The following PDE1C variants were observed in gnomAD, a reference collection of about 807,000 sequenced individuals.
PDE1C encodes the protein dual specificity calcium/calmodulin-dependent 3',5'-cyclic nucleotide phosphodiesterase 1C.
In PDE1C, 62 loss-of-function variants were observed where a neutral mutation model predicts 93.1. The observed-to-expected ratio is 0.67, with a 90% confidence interval of 0.54 to 0.82. The LOEUF (loss-of-function observed/expected upper bound fraction) is 0.82, where lower values mean the gene tolerates loss of function less well. Among genes scored for constraint, PDE1C ranks in the 40% least tolerant of loss-of-function variants. The pLI is 0.00. For missense variants in PDE1C, 742 were observed against 884.6 expected, an observed-to-expected ratio of 0.84 and a Z score of 2.04; for synonymous variants, 325 against 310.1, an observed-to-expected ratio of 1.05 and a Z score of -0.50.
At chr7:32,178,063 C>A (rs1008934286) in intron 2 of PDE1C, among the ~76,000 whole-genome samples, 10 of 152,168 alleles carry the variant, frequency 6.6e-5, no homozygotes. Context: ...AAGTATGGGG[C>A]AATTCCCACA....
chr7:32,374,706 T>C (rs570919378), intron 1 of PDE1C, among the ~76,000 whole-genome samples: 1 of 152,382 alleles, frequency 6.6e-6, no homozygotes, highest in Non-Finnish European at 1.5e-5. Flanking sequence ...TAACAATGGT[T>C]GTTGTTTTAA....
At chr7:32,345,559 A>T (rs1783837275) in intron 1 of PDE1C, among the ~76,000 whole-genome samples, 1 of 152,244 alleles carries the variant, frequency 6.6e-6, no homozygotes. Flanking sequence ...AAGAAAATGA[A>T]AAGAAAAGTA....
intron 3 of PDE1C, among the ~76,000 whole-genome samples, chr7:32,105,732 C>G (rs1798273858): frequency 6.7e-6 from 1 of 150,094 alleles, no homozygotes; most frequent in African/African-American, 2.5e-5. Flanking sequence ...TTGCGTGTTG[C>G]CCAGGCTAGT....
intron 17 of PDE1C, among the ~76,000 whole-genome samples, chr7:31,773,149 T>C (rs1417689652): frequency 6.6e-6 from 1 of 152,224 alleles, no homozygotes; most frequent in Admixed American, 6.5e-5. Flanking sequence ...TTACACAGAT[T>C]AATTATGTCT....
chr7:32,298,835 C>A (rs897215946), exon 1 of PDE1C: 34 of 1,434,064 alleles, frequency 2.4e-5, no homozygotes, highest in Middle Eastern at 2.5e-4. Context: ...GCGAATCCTC[C>A]CCCGGCCGCG....
intron 1 of PDE1C, among the ~76,000 whole-genome samples, chr7:32,372,627 A>G (rs1376093648): frequency 6.6e-6 from 1 of 152,240 alleles, no homozygotes; most frequent in Non-Finnish European, 1.5e-5. Context: ...AAATAGATAA[A>G]TTGGACTTCA....
intron 2 of PDE1C, among the ~76,000 whole-genome samples, chr7:31,948,228 A>C (rs1488379448): frequency 1.3e-5 from 2 of 152,198 alleles, no homozygotes; most frequent in African/African-American, 4.8e-5. Context: ...CATTACAGTG[A>C]CTCATGTGAG....
chr7:32,089,137 T>C (rs1797306396), intron 3 of PDE1C, among the ~76,000 whole-genome samples: 1 of 152,200 alleles, frequency 6.6e-6, no homozygotes, highest in African/African-American at 2.4e-5. Flanking sequence ...TCGCAAAGTC[T>C]CTTCTTTCCC....
intron 13 of PDE1C, among the ~76,000 whole-genome samples, chr7:31,824,181 A>G (rs1789359761): frequency 6.6e-6 from 1 of 151,958 alleles, no homozygotes; most frequent in African/African-American, 2.4e-5. Flanking sequence ...GAACAAGGAG[A>G]TTAGTAGTAG....
At chr7:31,624,504 A>G in the PDE1C span, among the ~76,000 whole-genome samples, 1 of 78,410 alleles carries the variant, frequency 1.3e-5, no homozygotes, top group African/African-American at 4.1e-5. Flanking sequence ...CAAACCTGAG[A>G]AAAACAAGCA....
the PDE1C span, among the ~76,000 whole-genome samples, chr7:31,660,510 C>G: frequency 4.5e-5 from 4 of 88,992 alleles, no homozygotes; most frequent in African/African-American, 1.7e-4. Flanking sequence ...TTGTGTTCCT[C>G]TCCCATTTTT....
chr7:32,214,460 T>C (rs190984102), intron 1 of PDE1C, among the ~76,000 whole-genome samples: 5 of 152,088 alleles, frequency 3.3e-5, no homozygotes, highest in Non-Finnish European at 7.4e-5. Context: ...CCCAGACCAA[T>C]TACACAGGGC....
chr7:32,070,228 G>A (rs909185053), intron 1 of PDE1C, 65 bp downstream of exon 1: 5 of 1,607,392 alleles, frequency 3.1e-6, no homozygotes, highest in Admixed American at 3.3e-5. Flanking sequence ...TCGTGACTGC[G>A]GCTGTGTGGT....
At chr7:32,113,514 A>C (rs1388675132) in intron 3 of PDE1C, among the ~76,000 whole-genome samples, 1 of 151,448 alleles carries the variant, frequency 6.6e-6, no homozygotes, top group Non-Finnish European at 1.5e-5. Context: ...TAATTTTATG[A>C]GATTACTTAG....
intron 2 of PDE1C, among the ~76,000 whole-genome samples, chr7:31,901,509 A>T (rs1363006867): frequency 1.3e-5 from 2 of 151,338 alleles, no homozygotes; most frequent in African/African-American, 4.8e-5. Flanking sequence ...TGAGATCCAC[A>T]TCATATTTTT....
chr7:31,939,098 C>T (rs1260703320), intron 2 of PDE1C, among the ~76,000 whole-genome samples: 1 of 152,138 alleles, frequency 6.6e-6, no homozygotes, highest in Non-Finnish European at 1.5e-5. Flanking sequence ...AAAATTATTA[C>T]TCTAGCAGTG....
At chr7:32,208,622 G>A (rs993280476) in intron 2 of PDE1C, among the ~76,000 whole-genome samples, 5 of 152,256 alleles carry the variant, frequency 3.3e-5, no homozygotes, top group South Asian at 2.1e-4. Flanking sequence ...TGATAAATCC[G>A]TTTCTATTTA....
intron 17 of PDE1C, among the ~76,000 whole-genome samples, chr7:31,763,914 C>T (rs1794981882): frequency 6.6e-6 from 1 of 151,396 alleles, no homozygotes; most frequent in Admixed American, 6.6e-5. Context: ...AGAGAATACA[C>T]CACTTTGATT....
chr7:32,363,797 C>A (rs924059803), intron 1 of PDE1C, among the ~76,000 whole-genome samples: 1 of 152,222 alleles, frequency 6.6e-6, no homozygotes, highest in Non-Finnish European at 1.5e-5. Context: ...GCAAGATCAG[C>A]ACTTCCCTCA....
Sources: allele counts gnomAD v4.1 joint callset (sites outside exome capture counted in the v4.1 genomes callset), GRCh38; gene constraint gnomAD v4.1.1; transcripts MANE v1.5; gene names NCBI Gene and HGNC (gene_info 2026-07-23, HGNC 2026-07-21).